BPTF: variants seen among roughly 807,000 people sequenced by gnomAD.
The protein encoded by BPTF is nucleosome-remodeling factor subunit BPTF.
BPTF carries 18 observed loss-of-function variants against 292.5 expected under a neutral mutation model. The ratio of observed to expected loss-of-function variants is 0.06; its 90% confidence interval spans 0.04 to 0.09. The LOEUF is 0.09. Ranked by LOEUF, BPTF falls within the 10% of genes least tolerant of loss-of-function variation. BPTF has a pLI of 1.00. For synonymous variants in BPTF, 1,225 were observed against 1,251.9 expected, an observed-to-expected ratio of 0.98 and a Z score of 0.45; for missense variants, 2,726 against 3,498.7, an observed-to-expected ratio of 0.78 and a Z score of 5.57.
chr17:67,832,593 A>T (rs1334539796), intron 1 of BPTF, among the ~76,000 whole-genome samples: 2 of 152,046 alleles, frequency 1.3e-5, no homozygotes, highest in African/African-American at 4.8e-5. Context: ...TACCCTTGTA[A>T]AGTATATAAT....
chr17:67,966,519 TAAATG>T, intron 25 of BPTF, 48 bp from the exon 26 acceptor site: 1 of 1,530,850 alleles, frequency 6.5e-7, no homozygotes. Context: ...CCAGGAAACT[TAAATG>T]GAATTAGTGT....
chr17:67,968,313 A>G (rs1555688705), intron 26 of BPTF, among the ~76,000 whole-genome samples: 1 of 151,408 alleles, frequency 6.6e-6, no homozygotes, highest in African/African-American at 2.5e-5. Context: ...AAATAAACGT[A>G]ATGAAGTAGT....
chr17:67,973,361 G>A (rs915558603), intron 26 of BPTF, among the ~76,000 whole-genome samples: 13 of 150,506 alleles, frequency 8.6e-5, no homozygotes, highest in African/African-American at 2.7e-4. Context: ...GCGACAGAGC[G>A]AGACTGTCTC....
At chr17:67,858,639 G>A (rs1195646143) in intron 2 of BPTF, among the ~76,000 whole-genome samples, 4 of 151,906 alleles carry the variant, frequency 2.6e-5, no homozygotes, top group Non-Finnish European at 5.9e-5. Flanking sequence ...CAGGGAGCCC[G>A]GTGCTTGTAC....
chr17:67,836,837 G>A (rs1172794071), intron 1 of BPTF, among the ~76,000 whole-genome samples: 1 of 152,218 alleles, frequency 6.6e-6, no homozygotes, highest in African/African-American at 2.4e-5. Flanking sequence ...TGCTTTCAAA[G>A]TGCTGTGCAA....
intron 27 of BPTF, among the ~76,000 whole-genome samples, chr17:67,979,276 G>A (rs1292818104): frequency 2.9e-4 from 44 of 151,616 alleles, no homozygotes; most frequent in Admixed American, 7.9e-4. Flanking sequence ...GGCCGGGCAC[G>A]GTGGTTTACA....
At chr17:67,894,204 A>G in intron 7 of BPTF, 39 bp downstream of exon 7, 1 of 1,588,500 alleles carries the variant, frequency 6.3e-7, no homozygotes, top group Non-Finnish European at 8.6e-7. Context: ...TGAGTATTGG[A>G]CTCCCTTTTG....
At chr17:67,942,323 C>CA (rs59037558) in intron 19 of BPTF, among the ~76,000 whole-genome samples, 1 of 151,162 alleles carries the variant, frequency 6.6e-6, no homozygotes, top group African/African-American at 2.4e-5. Flanking sequence ...AAAAGAAAAA[C>CA]AAAAAAAAAA....
intron 4 of BPTF, chr17:67,886,359 CT>C (rs756303244): frequency 3.9e-6 from 5 of 1,290,342 alleles, no homozygotes; most frequent in Admixed American, 5.4e-5. Context: ...GAAGTTTTTT[CT>C]TTTTTTTCTT....
chr17:67,826,389 C>G, intron 1 of BPTF, 52 bp downstream of exon 1: 2 of 1,506,602 alleles, frequency 1.3e-6, no homozygotes, highest in Non-Finnish European at 9.0e-7. Flanking sequence ...CCTCTGCCCT[C>G]CCCCCTTGCT....
At chr17:67,910,438 T>A (rs376418219) in intron 10 of BPTF, among the ~76,000 whole-genome samples, 18 of 152,310 alleles carry the variant, frequency 1.2e-4, no homozygotes, top group African/African-American at 4.1e-4. Flanking sequence ...ACATTGTCTT[T>A]TGTAACAAGT....
chr17:67,961,390 C>G (rs556997940), intron 24 of BPTF, among the ~76,000 whole-genome samples: 1 of 152,206 alleles, frequency 6.6e-6, no homozygotes, highest in East Asian at 1.9e-4. Context: ...TCTCTTGTCC[C>G]AAACTAGGCT....
intron 4 of BPTF, 94 bp from the exon 5 acceptor site, chr17:67,891,750 T>C: frequency 6.7e-6 from 6 of 890,082 alleles, no homozygotes; most frequent in Non-Finnish European, 8.0e-6. Context: ...TTGTGGATCT[T>C]ACACATACAC....
rs1168827533 is a variant in BPTF, at chr17:67,984,364, G to A, written c.*2076G>A. The A allele has an allele frequency of 6.6e-6, 1 of 152,524 alleles. No homozygotes were observed. The highest frequency in any genetic ancestry group is 2.4e-5 in the African/African-American group (1 of 41,438). The allele number at this position is 152,524 out of a possible 1,614,324, so 9.4% of individuals were successfully genotyped here. A position where few individuals can be genotyped will look rare whatever the true frequency, so the allele number is the denominator to read the frequency against. On this transcript the variant is annotated 3_prime_UTR_variant, in exon 28 of 28. Coordinates refer to ENST00000306378, the MANE Select transcript of BPTF (RefSeq NM_182641.4). ...TTTCATCCTAGAAAAATAAAGTAAT[G>A]TTTTTGACATTGGATTTGGTGCAGT...
At chr17:67,929,833 G>T (rs890438312) in intron 17 of BPTF, among the ~76,000 whole-genome samples, 14 of 152,148 alleles carry the variant, frequency 9.2e-5, no homozygotes, top group African/African-American at 3.1e-4. Flanking sequence ...TTAAAATGCT[G>T]GGCCAGGTGC....
At chr17:67,921,227 A>G (rs1288461563) in intron 13 of BPTF, among the ~76,000 whole-genome samples, 1 of 150,310 alleles carries the variant, frequency 6.7e-6, no homozygotes, top group African/African-American at 2.4e-5. Flanking sequence ...AAAAAAAAAA[A>G]AAAAAAAAGA....
chr17:67,830,553 C>T (rs1475326823), intron 1 of BPTF, among the ~76,000 whole-genome samples: 1 of 148,490 alleles, frequency 6.7e-6, no homozygotes, highest in Admixed American at 6.7e-5. Flanking sequence ...TAATATACCC[C>T]ATTTAAGGGG....
chr17:67,918,968 C>T, intron 12 of BPTF, 130 bp downstream of exon 12: 2 of 864,350 alleles, frequency 2.3e-6, no homozygotes. Context: ...GTCAGGAGAT[C>T]CTGACCATCC....
At chr17:67,919,773 CA>C (rs1157990366) in intron 12 of BPTF, among the ~76,000 whole-genome samples, 3 of 152,074 alleles carry the variant, frequency 2.0e-5, no homozygotes, top group Admixed American at 1.3e-4. Flanking sequence ...TGAGTATTGC[CA>C]CCAGGAGCTC....
Sources: allele counts gnomAD v4.1 joint callset (sites outside exome capture counted in the v4.1 genomes callset), GRCh38; gene constraint gnomAD v4.1.1; transcripts MANE v1.5; gene names NCBI Gene and HGNC (gene_info 2026-07-23, HGNC 2026-07-21).